SETD7: variants seen among roughly 807,000 people sequenced by gnomAD.
The protein encoded by SETD7 is histone-lysine N-methyltransferase SETD7.
In SETD7, 16 loss-of-function variants were observed where a neutral mutation model predicts 41.8. The ratio of observed to expected loss-of-function variants is 0.38; its 90% CI spans 0.26 to 0.58. The LOEUF (loss-of-function observed/expected upper bound fraction) is 0.58, where lower values mean the gene tolerates loss of function less well. Among genes scored for constraint, SETD7 ranks in the 20% least tolerant of loss-of-function variants. The pLI, the probability that SETD7 is intolerant of heterozygous loss-of-function variation, is 0.64. For missense variants in SETD7, 346 were observed against 459.7 expected (o/e 0.75, Z 2.26); for synonymous variants, 163 against 169.7 (o/e 0.96, Z 0.31).
In SETD7 at chr4:139,554,886, G is replaced by C. The variant is rs1728211255; in HGVS notation, c.40+1212C>G. On this transcript the variant is annotated intron_variant, in intron 1 of 7. Coordinates refer to ENST00000274031, the MANE Select transcript of SETD7 (RefSeq NM_030648.4). ...TGTAACAATAACCATGTATCCTTATGCATTTGTAGTGTCGCCACTTTTTTT... is the reference window on the plus strand; with the variant it reads ...TGTAACAATAACCATGTATCCTTATCCATTTGTAGTGTCGCCACTTTTTTT... Among the ~76,000 whole-genome samples the C allele has an allele frequency of 2.0e-5, 3 of 152,158 alleles. No individual in the cohort carries two copies. In the South Asian group the frequency reaches 6.2e-4, roughly 31 times the overall value.
intron 7 of SETD7, among the ~76,000 whole-genome samples, chr4:139,497,650 C>T (rs1286300049): frequency 2.0e-5 from 3 of 150,540 alleles, no homozygotes; most frequent in Admixed American, 1.3e-4. Flanking sequence ...AGTGCAGTTG[C>T]GCAATCTCGG....
At chr4:139,514,937 A>G (rs2111126358) in intron 7 of SETD7, among the ~76,000 whole-genome samples, 1 of 152,292 alleles carries the variant, frequency 6.6e-6, no homozygotes, top group East Asian at 1.9e-4. Context: ...AGGCCGAGGC[A>G]GGTGGATCAC....
At chr4:139,518,125 C>A in intron 6 of SETD7, 83 bp from the exon 7 acceptor site, 1 of 1,391,378 alleles carries the variant, frequency 7.2e-7, no homozygotes, top group South Asian at 1.5e-5. Flanking sequence ...ACTCATTTAT[C>A]TTATTATTAT....
intron 7 of SETD7, among the ~76,000 whole-genome samples, chr4:139,516,524 A>T (rs1005822075): frequency 2.0e-5 from 3 of 151,470 alleles, no homozygotes; most frequent in Non-Finnish European, 4.4e-5. Context: ...GGAGCCCAGA[A>T]GCTAATTTTG....
rs141656941 is a variant in SETD7 at position 139,541,609 on chromosome 4, G to A, written c.170+5311C>T. 7.1e-3 allele frequency among the ~76,000 whole-genome samples: 1,085 copies of A among 152,204 alleles called. 13 individuals are homozygous for A. Among genetic ancestry groups the A allele is most frequent in the African/African-American group, 0.025 (1,025 of 41,504 alleles). On this transcript the variant is annotated intron_variant, in intron 2 of 7. Coordinates refer to ENST00000274031, the MANE Select transcript of SETD7 (RefSeq NM_030648.4). Reference sequence around the variant, plus strand: ...CTTCTTCCCTTTTAATAGAGGAGGCGGGAATGGACACAATATCTACTTTAA... The same window carrying A: ...CTTCTTCCCTTTTAATAGAGGAGGCAGGAATGGACACAATATCTACTTTAA...
At position 139,509,102 on chromosome 4, in the gene SETD7, G is replaced by A. The variant is rs17050789; in HGVS notation, c.*2561C>T. 4,746 of 152,810 alleles carry A rather than the reference G, an allele frequency of 0.031. 264 individuals carry two copies. Among genetic ancestry groups the A allele is most frequent in the African/African-American group, 0.11 (4,448 of 41,558 alleles). 9.5% of individuals were successfully genotyped at this position (152,810 alleles called of 1,614,324 possible). A position where few individuals can be genotyped will look rare whatever the true frequency, so the allele number is the denominator to read the frequency against. On this transcript the variant is annotated 3_prime_UTR_variant, in exon 8 of 8. Coordinates refer to ENST00000274031, the MANE Select transcript of SETD7 (RefSeq NM_030648.4). ...AGCCAGAGAGACTCAAGAAAGGTCA[G>A]TGCAGGGGACTTGGAACAGGGAACA...
chr4:139,524,427 G>A (rs1727263971), intron 4 of SETD7, among the ~76,000 whole-genome samples: 1 of 152,214 alleles, frequency 6.6e-6, no homozygotes, highest in South Asian at 2.1e-4. Flanking sequence ...ACACTGGCAA[G>A]AGCAGGAAGC....
intron 4 of SETD7, among the ~76,000 whole-genome samples, chr4:139,526,153 C>A (rs201593274): frequency 6.6e-6 from 1 of 152,056 alleles, no homozygotes; most frequent in South Asian, 2.1e-4. Context: ...CAGGTTCAAG[C>A]GGTTCTTGTG....
chr4:139,551,006 C>T (rs1421370277), intron 1 of SETD7, among the ~76,000 whole-genome samples: 3 of 152,176 alleles, frequency 2.0e-5, no homozygotes, highest in Admixed American at 2.0e-4. Context: ...CACACTCTTC[C>T]TTGGTGATGG....
In SETD7 at chr4:139,555,495, G is replaced by A. The variant is rs886592858; in HGVS notation, c.40+603C>T. On this transcript the variant is annotated intron_variant, in intron 1 of 7. Coordinates refer to ENST00000274031, the MANE Select transcript of SETD7 (RefSeq NM_030648.4). The surrounding 1 kb of genome is among the most constrained non-coding windows in gnomAD (Gnocchi z 4.0). ...CCGGACGGCGCACGTTCGAGTCCCG[G>A]GTCGGGAGACTTGTCCGTCGCCCGA... 1.3e-5 allele frequency among the ~76,000 whole-genome samples: 2 copies of A among 152,134 alleles called. No homozygotes were observed. The highest frequency in any genetic ancestry group is 2.9e-5 in the Non-Finnish European group (2 of 68,016).
Position 139,507,838 on chromosome 4 carries a change from T to C in SETD7, c.*3825A>G, listed in dbSNP as rs1163219358. The C allele has an allele frequency of 1.3e-5, 2 of 152,310 alleles. No homozygotes were observed. Among genetic ancestry groups the C allele is most frequent in the African/African-American group, 4.8e-5 (2 of 41,464 alleles). The allele number at this position is 152,310 out of a possible 1,614,324, so 9.4% of individuals were successfully genotyped here. ...TAAATTTGATATACTTTGTGAACCT[T>C]TGATCTGTGGCAAATAAACATTACA... is the stretch of plus-strand genomic sequence containing the variant. On this transcript the variant is annotated 3_prime_UTR_variant, in exon 8 of 8. Coordinates refer to ENST00000274031, the MANE Select transcript of SETD7 (RefSeq NM_030648.4).
intron 3 of SETD7, chr4:139,532,837 CCTCT>C (rs1209620453): frequency 5.3e-6 from 2 of 377,166 alleles, no homozygotes; most frequent in African/African-American, 4.1e-5. Context: ...CCACTATCTC[CCTCT>C]ATGTGCCAAA....
chr4:139,518,152 G>GA, intron 6 of SETD7, 110 bp from the exon 7 acceptor site: 1 of 1,217,758 alleles, frequency 8.2e-7, no homozygotes. Flanking sequence ...TTTTGAGACA[G>GA]GGTCTCACTC....
rs1157500252 is a variant in SETD7, at chr4:139,510,947, A to C, written c.*716T>G. ...CATGCGAGAATAATATTCTATAATA[A>C]TACCCTGGCCCTATGAGCCAGTACT... is the stretch of plus-strand genomic sequence containing the variant. On this transcript the variant is annotated 3_prime_UTR_variant, in exon 8 of 8. Transcript: ENST00000274031. 6.6e-6 allele frequency: 1 copy of C among 152,650 alleles called. No homozygotes were observed. Among genetic ancestry groups the C allele is most frequent in the Admixed American group, 6.5e-5 (1 of 15,282 alleles). 9.5% of individuals were successfully genotyped at this position (152,650 alleles called of 1,614,324 possible).
intron 1 of SETD7, chr4:139,548,085 T>A (rs1232969737): frequency 6.6e-6 from 1 of 152,204 alleles, no homozygotes; most frequent in Non-Finnish European, 1.5e-5. Flanking sequence ...ATGAAGGCAG[T>A]AGTTATTCTA....
At chr4:139,499,327 G>A (rs1306442359) in intron 7 of SETD7, among the ~76,000 whole-genome samples, 1 of 152,184 alleles carries the variant, frequency 6.6e-6, no homozygotes, top group East Asian at 1.9e-4. Context: ...TAGAATTATG[G>A]TAGAGGCTTG....
At chr4:139,514,327 G>T (rs1415455396) in intron 7 of SETD7, among the ~76,000 whole-genome samples, 1 of 151,852 alleles carries the variant, frequency 6.6e-6, no homozygotes, top group Non-Finnish European at 1.5e-5. Flanking sequence ...TAAAAAAAAT[G>T]TTCCTGAAAT....
chr4:139,539,253 A>C (rs1008082934), intron 2 of SETD7, among the ~76,000 whole-genome samples: 3 of 152,240 alleles, frequency 2.0e-5, no homozygotes, highest in African/African-American at 7.2e-5. Flanking sequence ...TTAAAAATGA[A>C]TAATCACTCC....
At chr4:139,536,697 G>A (rs1403245506) in intron 2 of SETD7, among the ~76,000 whole-genome samples, 3 of 150,126 alleles carry the variant, frequency 2.0e-5, no homozygotes, top group Admixed American at 6.6e-5. Flanking sequence ...GGGTGACAGC[G>A]AGACTCTGTC....
Sources: gnomAD v4.1 joint callset for allele counts (sites outside exome capture counted in the v4.1 genomes callset) on GRCh38, gnomAD v4.1.1 for gene constraint, Gnocchi (gnomAD v3.1) non-coding constraint, MANE v1.5 for transcripts, NCBI Gene and HGNC (gene_info 2026-07-23, HGNC 2026-07-21) for gene names.